The following WDR7 variants were observed in gnomAD, a reference collection of about 807,000 sequenced individuals.
WDR7 encodes the protein WD repeat domain 7.
In WDR7, 46 loss-of-function variants were observed where a neutral mutation model predicts 169.4. The ratio of observed to expected loss-of-function variants is 0.27; its 90% CI spans 0.21 to 0.35. The LOEUF (loss-of-function observed/expected upper bound fraction) is 0.35. Among genes scored for constraint, WDR7 ranks in the 10% least tolerant of loss-of-function variants. The pLI, the probability that WDR7 is intolerant of heterozygous loss-of-function variation, is 1.00. For missense variants in WDR7, 1,534 were observed against 1,859.3 expected, an observed-to-expected ratio of 0.83 and a Z score of 3.22; for synonymous variants, 612 against 666.8, an observed-to-expected ratio of 0.92 and a Z score of 1.27.
intron 17 of WDR7, among the ~76,000 whole-genome samples, chr18:56,777,153 A>G (rs2044253618): frequency 6.6e-6 from 1 of 152,170 alleles, no homozygotes; most frequent in African/African-American, 2.4e-5. Flanking sequence ...ATAAAGGTGG[A>G]TTGGTTTTTG....
At chr18:56,773,602 T>A (rs920302425) in intron 16 of WDR7, among the ~76,000 whole-genome samples, 4 of 152,108 alleles carry the variant, frequency 2.6e-5, no homozygotes, top group African/African-American at 7.2e-5. Flanking sequence ...ACCAAACAGG[T>A]TGTTGCATTA....
chr18:56,713,064 A>G lies in WDR7; in HGVS notation c.1579-4900A>G, dbSNP rs532895393. ...TTAAGGGATTTGCAGATTATATTAT[A>G]TAGTTCTAAACCTAGCCATCACAAA... On this transcript the variant is annotated intron_variant, in intron 12 of 27. Transcript: ENST00000254442. Among the ~76,000 whole-genome samples, 11 of 152,278 alleles carry G rather than the reference A, an allele frequency of 7.2e-5. 1 individual carries two copies. The South Asian group carries it at 2.3e-3, about 32-fold the overall frequency.
At position 56,947,790 on chromosome 18, in the gene WDR7, A is replaced by G. The variant is rs538484911; in HGVS notation, c.4064+8397A>G. On this transcript the variant is annotated intron_variant, in intron 25 of 27. Coordinates refer to ENST00000254442, the MANE Select transcript of WDR7 (RefSeq NM_015285.3). ...ACAGATGCTACTGAGTCCAGAGAAAAGCACTCTAGAATCTGTATGTGTGAT... is the reference window on the plus strand; with the variant it reads ...ACAGATGCTACTGAGTCCAGAGAAAGGCACTCTAGAATCTGTATGTGTGAT... Among the ~76,000 whole-genome samples the G allele has an allele frequency of 6.7e-4, 102 of 152,324 alleles. 1 individual carries two copies. Among genetic ancestry groups the G allele is most frequent in the African/African-American group, 2.3e-3 (97 of 41,572 alleles).
intron 19 of WDR7, among the ~76,000 whole-genome samples, chr18:56,791,840 C>G (rs2044489435): frequency 6.6e-6 from 1 of 152,076 alleles, no homozygotes; most frequent in South Asian, 2.1e-4. Flanking sequence ...CGAAGGGACT[C>G]TAGCATGATG....
Position 56,834,676 on chromosome 18 carries a change from T to G in WDR7, c.3304+18532T>G, listed in dbSNP as rs182670460. On this transcript the variant is annotated intron_variant, in intron 20 of 27. Coordinates refer to ENST00000254442, the MANE Select transcript of WDR7 (RefSeq NM_015285.3). ...AAGTATTACACAACTATTTTCTTCC[T>G]TTATCTGGATGGTGTATAATTTTGA... 1.2e-4 allele frequency among the ~76,000 whole-genome samples: 18 copies of G among 152,248 alleles called. No homozygotes were observed. The East Asian group carries it at 3.5e-3, about 29-fold the overall frequency.
intron 22 of WDR7, among the ~76,000 whole-genome samples, chr18:56,925,570 C>CTT (rs1419097834): frequency 6.6e-6 from 1 of 152,152 alleles, no homozygotes; most frequent in African/African-American, 2.4e-5. Context: ...TCCTTGCTAA[C>CTT]TTTTTTTAAG....
Position 56,731,593 on chromosome 18 carries a change from A to T in WDR7, c.1985A>T (p.Asp662Val). The change falls in exon 14 of 28, where the codon GAC becomes GTC. Residue 662 changes from aspartate (D) to valine (V), a missense_variant. Transcript: ENST00000254442. ...AACCTCTTGGCTTCTGAGGCATCTG[A>T]CAAGGTAAGTTTTATATGTGGGCCC... ...ATNLLASEAS[D>V]KGNLPKYSHN... 6.2e-7 allele frequency: 1 copy of T among 1,613,702 alleles called. No homozygotes were observed. The highest frequency in any genetic ancestry group is 8.5e-7 in the Non-Finnish European group (1 of 1,179,926).
chr18:56,693,604 C>G (rs1325866716), intron 9 of WDR7, among the ~76,000 whole-genome samples: 1 of 114,236 alleles, frequency 8.8e-6, no homozygotes, highest in Non-Finnish European at 1.7e-5. Flanking sequence ...TGGAGTCGCC[C>G]TTTGACTCCC....
intron 26 of WDR7, among the ~76,000 whole-genome samples, chr18:56,973,969 A>G (rs939933216): frequency 1.3e-5 from 2 of 152,194 alleles, no homozygotes; most frequent in Non-Finnish European, 2.9e-5. Context: ...TTTTATGAAG[A>G]TAGTCTTATT....
chr18:56,943,846 G>C (rs2145715123), intron 25 of WDR7, among the ~76,000 whole-genome samples: 1 of 152,102 alleles, frequency 6.6e-6, no homozygotes, highest in East Asian at 1.9e-4. Context: ...ATTATTCTCT[G>C]TGAGTCCAAA....
At chr18:56,827,061 CCTGCGCTT>C (rs1349086790) in intron 20 of WDR7, among the ~76,000 whole-genome samples, 2 of 152,138 alleles carry the variant, frequency 1.3e-5, no homozygotes, top group Admixed American at 6.6e-5. Context: ...AAGAGGTAAG[CCTGCGCTT>C]ATTGCGGAGG....
At chr18:56,694,926 T>G (rs769330580) in intron 10 of WDR7, 24 bp from the exon 11 acceptor site, 1 of 1,581,892 alleles carries the variant, frequency 6.3e-7, no homozygotes, top group Non-Finnish European at 8.6e-7. Flanking sequence ...TGTTTTTCTT[T>G]TATACAAAAC....
At chr18:56,705,610 T>C (rs1427646564) in intron 12 of WDR7, among the ~76,000 whole-genome samples, 2 of 152,248 alleles carry the variant, frequency 1.3e-5, no homozygotes, top group African/African-American at 4.8e-5. Context: ...TTTTCCTGAC[T>C]AGTACCTGAT....
chr18:56,695,216 G>A lies in WDR7; in HGVS notation c.1357+18G>A, dbSNP rs373907941. On this transcript the variant is annotated intron_variant, in intron 11 of 27. Coordinates refer to ENST00000254442, the MANE Select transcript of WDR7 (RefSeq NM_015285.3). ...CAGAAGAGGTATACTGAAGAGCTCC[G>A]TATGTCTAAAGTGTTTTGACAACTC... 153 of 1,608,338 alleles carry A rather than the reference G, an allele frequency of 9.5e-5. 1 individual carries two copies. The highest frequency in any genetic ancestry group is 8.3e-4 in the Middle Eastern group (5 of 6,022).
chr18:56,971,450 A>C (rs2047484564), intron 26 of WDR7, among the ~76,000 whole-genome samples: 2 of 152,170 alleles, frequency 1.3e-5, no homozygotes, highest in South Asian at 4.1e-4. Flanking sequence ...TATTATAGGC[A>C]AGAGATCAAA....
chr18:56,829,741 T>C lies in WDR7; in HGVS notation c.3304+13597T>C, dbSNP rs766430427. 9.3e-4 allele frequency among the ~76,000 whole-genome samples: 142 copies of C among 152,198 alleles called. 2 individuals are homozygous for C. The highest frequency in any genetic ancestry group is 3.2e-4 in the Non-Finnish European group (22 of 68,036). ...ACTATCAACCTTAATTATGATGTAA[T>C]TTTATTAAGAACTGTGATATAAATT... On this transcript the variant is annotated intron_variant, in intron 20 of 27. Transcript: ENST00000254442.
chr18:56,776,988 T>G, intron 17 of WDR7, 108 bp downstream of exon 17: 1 of 1,060,838 alleles, frequency 9.4e-7, no homozygotes. Context: ...TGTATGAGAT[T>G]CTAAAGTTCC....
intron 21 of WDR7, among the ~76,000 whole-genome samples, chr18:56,898,286 A>G (rs933975005): frequency 6.6e-6 from 1 of 152,110 alleles, no homozygotes; most frequent in Non-Finnish European, 1.5e-5. Flanking sequence ...GATAAGGGAC[A>G]GCTCTTACAG....
chr18:56,904,729 G>A (rs188380944), intron 21 of WDR7, among the ~76,000 whole-genome samples: 1 of 152,264 alleles, frequency 6.6e-6, no homozygotes, highest in East Asian at 1.9e-4. Flanking sequence ...CTATGTGTAA[G>A]CTCATGTTTG....
Sources: allele counts gnomAD v4.1 joint callset (sites outside exome capture counted in the v4.1 genomes callset), GRCh38; gene constraint gnomAD v4.1.1; transcripts MANE v1.5; gene names NCBI Gene and HGNC (gene_info 2026-07-23, HGNC 2026-07-21).